The following PRICKLE1 variants were observed in gnomAD, a reference collection of about 807,000 sequenced individuals.
The protein encoded by PRICKLE1 is prickle-like protein 1.
In PRICKLE1, 14 loss-of-function variants were observed where a neutral mutation model predicts 70.2. That is an observed-to-expected ratio of 0.20 (90% CI 0.13 to 0.31). The LOEUF (loss-of-function observed/expected upper bound fraction) is 0.31, where lower values mean the gene tolerates loss of function less well. PRICKLE1 is among the 10% of genes least tolerant of loss of function. PRICKLE1 has a pLI of 1.00. For synonymous variants in PRICKLE1, 357 were observed against 379.9 expected (o/e 0.94, Z 0.70); for missense variants, 821 against 1,026.2 (o/e 0.80, Z 2.73).
Position 42,465,017 on chromosome 12 carries a change from G to A in PRICKLE1, c.1017C>T (p.Ser339=). 2.5e-6 allele frequency: 4 copies of A among 1,601,910 alleles called. No individual in the cohort carries two copies. Among genetic ancestry groups the A allele is most frequent in the Non-Finnish European group, 3.4e-6 (4 of 1,174,828 alleles). The change falls in exon 7 of 8, where the codon AGC becomes AGT. Residue 339 remains serine (S), a synonymous_variant. Coordinates refer to ENST00000345127, the MANE Select transcript of PRICKLE1 (RefSeq NM_153026.3). The stretch of plus-strand genomic sequence containing the variant: ...GTCTACACTGATCTGCTGACCGGCT[G>A]CTCTTGCCCATTCGGACACTTCTTC... ...DSRRSVRMGK[S]SRSADQCRQS...
chr12:42,527,103 A>C (rs1282255454), intron 1 of PRICKLE1, among the ~76,000 whole-genome samples: 1 of 136,814 alleles, frequency 7.3e-6, no homozygotes, highest in Non-Finnish European at 1.6e-5. Flanking sequence ...ACAATTTAAG[A>C]GTGTGCTTTC....
At chr12:42,550,206 G>A (rs1264352070) in intron 1 of PRICKLE1, 1 of 152,312 alleles carries the variant, frequency 6.6e-6, no homozygotes, top group Non-Finnish European at 1.5e-5. Flanking sequence ...AGTGGCACAT[G>A]CCTGTGGTCC....
intron 5 of PRICKLE1, 98 bp from the exon 6 acceptor site, chr12:42,466,478 C>T (rs1938102198): frequency 9.6e-7 from 1 of 1,046,458 alleles, no homozygotes; most frequent in African/African-American, 1.6e-5. Flanking sequence ...TGGACAGACA[C>T]TGGCTCTTAA....
intron 1 of PRICKLE1, among the ~76,000 whole-genome samples, chr12:42,560,103 A>AATTATT (rs35742688): frequency 0.057 from 8,031 of 139,696 alleles, 334 homozygotes; most frequent in East Asian, 0.12. Context: ...AATCTCCTTT[A>AATTATT]ATTATTATTA....
chr12:42,461,807 ATTT>A (rs1370700297), intron 7 of PRICKLE1, among the ~76,000 whole-genome samples: 1 of 151,396 alleles, frequency 6.6e-6, no homozygotes, highest in Admixed American at 6.6e-5. Context: ...CTTCGTACTT[ATTT>A]TTTTTTGAGA....
intron 1 of PRICKLE1, among the ~76,000 whole-genome samples, chr12:42,493,041 T>A (rs558452849): frequency 8.5e-5 from 13 of 152,356 alleles, no homozygotes; most frequent in East Asian, 7.7e-4. Context: ...TTATTTATTT[T>A]TTTTTAAATT....
At chr12:42,567,720 G>A (rs975634676) in intron 1 of PRICKLE1, among the ~76,000 whole-genome samples, 1 of 149,942 alleles carries the variant, frequency 6.7e-6, no homozygotes, top group African/African-American at 2.5e-5. Context: ...CTAGCTACTC[G>A]AGAGGCTGAG....
intron 1 of PRICKLE1, among the ~76,000 whole-genome samples, chr12:42,486,729 G>T (rs772679353): frequency 3.3e-5 from 5 of 152,204 alleles, no homozygotes; most frequent in Non-Finnish European, 7.3e-5. Context: ...CTTCTAAAAA[G>T]ACCTCCTTTT....
intron 5 of PRICKLE1, among the ~76,000 whole-genome samples, chr12:42,468,001 G>A (rs531068968): frequency 4.4e-4 from 67 of 152,242 alleles, no homozygotes; most frequent in African/African-American, 1.5e-3. Context: ...TTACACTGCT[G>A]ATAATTTCTT....
chr12:42,491,222 A>C (rs1212446131), intron 1 of PRICKLE1, among the ~76,000 whole-genome samples: 2 of 151,886 alleles, frequency 1.3e-5, no homozygotes, highest in Non-Finnish European at 2.9e-5. Flanking sequence ...TTTAAAATAG[A>C]GTATTTAAAA....
intron 1 of PRICKLE1, among the ~76,000 whole-genome samples, chr12:42,582,058 T>C (rs999714861): frequency 6.6e-6 from 1 of 152,164 alleles, no homozygotes; most frequent in Non-Finnish European, 1.5e-5. Flanking sequence ...AGTACCTCAA[T>C]ATGGAGAAAG....
Position 42,459,665 on chromosome 12 carries a change from C to T in PRICKLE1, c.*144G>A. On this transcript the variant is annotated 3_prime_UTR_variant, in exon 8 of 8. Coordinates refer to ENST00000345127, the MANE Select transcript of PRICKLE1 (RefSeq NM_153026.3). ...TCACACCTTTCAAATGTTAATCTGA[C>T]ACTGTAAACAGCAGTTGAGTTCTCA... 1 of 933,546 alleles carries T rather than the reference C, an allele frequency of 1.1e-6. No individual in the cohort carries two copies. Among genetic ancestry groups the T allele is most frequent in the Non-Finnish European group, 1.7e-6 (1 of 593,252 alleles). The allele number at this position is 933,546 out of a possible 1,614,324, so 57.8% of individuals were successfully genotyped here. A position where few individuals can be genotyped will look rare whatever the true frequency, so the allele number is the denominator to read the frequency against.
intron 1 of PRICKLE1, among the ~76,000 whole-genome samples, chr12:42,492,640 A>G (rs531368107): frequency 6.6e-6 from 1 of 152,358 alleles, no homozygotes; most frequent in South Asian, 2.1e-4. Context: ...AGCTTTAATT[A>G]GACTGCACCA....
intron 1 of PRICKLE1, 97 bp from the exon 2 acceptor site, chr12:42,472,661 G>A: frequency 1.9e-6 from 2 of 1,034,304 alleles, no homozygotes; most frequent in South Asian, 1.4e-5. Flanking sequence ...TTAACAGACA[G>A]CTGGGCCCAG....
At chr12:42,535,365 C>A (rs1939999360) in intron 1 of PRICKLE1, among the ~76,000 whole-genome samples, 1 of 152,146 alleles carries the variant, frequency 6.6e-6, no homozygotes, top group Non-Finnish European at 1.5e-5. Flanking sequence ...CTGAATGAAC[C>A]AACACATTTC....
intron 1 of PRICKLE1, among the ~76,000 whole-genome samples, chr12:42,519,020 G>T (rs2120457376): frequency 6.6e-6 from 1 of 152,138 alleles, no homozygotes; most frequent in South Asian, 2.1e-4. Flanking sequence ...CTGAAATGTT[G>T]CAAAGAAGGG....
intron 1 of PRICKLE1, among the ~76,000 whole-genome samples, chr12:42,544,758 A>C (rs904600250): frequency 6.6e-6 from 1 of 152,206 alleles, no homozygotes; most frequent in African/African-American, 2.4e-5. Context: ...AAAGTCTTAC[A>C]ACAGAAATGG....
At chr12:42,496,866 T>G (rs575888609) in intron 1 of PRICKLE1, among the ~76,000 whole-genome samples, 3 of 152,140 alleles carry the variant, frequency 2.0e-5, no homozygotes, top group Non-Finnish European at 2.9e-5. Flanking sequence ...GCTGGTTTGA[T>G]CTTCTATTCA....
At chr12:42,521,068 G>C (rs1240680391) in intron 1 of PRICKLE1, among the ~76,000 whole-genome samples, 1 of 152,102 alleles carries the variant, frequency 6.6e-6, no homozygotes, top group Non-Finnish European at 1.5e-5. Context: ...CTACTCAGGA[G>C]GTTGAGGCAG....
Sources: allele counts gnomAD v4.1 joint callset (sites outside exome capture counted in the v4.1 genomes callset), GRCh38; gene constraint gnomAD v4.1.1; transcripts MANE v1.5; gene names NCBI Gene and HGNC (gene_info 2026-07-23, HGNC 2026-07-21).